HTR2A: variants seen among roughly 807,000 people sequenced by gnomAD.
The protein encoded by HTR2A is 5-HT2 receptor.
Under a neutral mutation model 31.0 loss-of-function variants are expected in HTR2A, and 14 were observed. That is an observed-to-expected ratio of 0.45 (90% CI 0.30 to 0.71). HTR2A has a LOEUF of 0.71. Among genes scored for constraint, HTR2A ranks in the 30% least tolerant of loss-of-function variants. The pLI, the probability that HTR2A is intolerant of heterozygous loss-of-function variation, is 0.09. For missense variants in HTR2A, 442 were observed against 573.3 expected, an observed-to-expected ratio of 0.77 and a Z score of 2.34; for synonymous variants, 209 against 225.2, an observed-to-expected ratio of 0.93 and a Z score of 0.64.
rs968684211 is a variant in HTR2A at position 46,896,960 on chromosome 13, C to G, written c.-615G>C. On this transcript the variant is annotated 5_prime_UTR_variant, in exon 1 of 4. Transcript: ENST00000542664. ...ACACATTTAGAAATCATTCACGAGC[C>G]CCTCAAAGTCGCACAAAAGAACTGC... 2.7e-6 allele frequency: 2 copies of G among 754,156 alleles called. No individual in the cohort carries two copies. Among genetic ancestry groups the G allele is most frequent in the Non-Finnish European group, 4.3e-6 (2 of 467,226 alleles). 46.7% of individuals were successfully genotyped at this position (754,156 alleles called of 1,614,324 possible).
chr13:46,887,269 A>G (rs1330895237), intron 3 of HTR2A, among the ~76,000 whole-genome samples: 1 of 151,804 alleles, frequency 6.6e-6, no homozygotes, highest in African/African-American at 2.4e-5. Flanking sequence ...AATACAAAAA[A>G]AAATTTAGCC....
intron 3 of HTR2A, among the ~76,000 whole-genome samples, chr13:46,864,011 A>T (rs2760342): frequency 0.84 from 127,260 of 152,092 alleles, 54,214 homozygotes; most frequent in East Asian, 0.97. Context: ...AGACATGGAA[A>T]CAACATAAAT....
chr13:46,865,548 A>G (rs1314809870), intron 3 of HTR2A, among the ~76,000 whole-genome samples: 1 of 152,118 alleles, frequency 6.6e-6, no homozygotes, highest in African/African-American at 2.4e-5. Context: ...GGTCACCTGG[A>G]CTGTACTTGG....
At chr13:46,858,656 C>T (rs1323929747) in intron 3 of HTR2A, among the ~76,000 whole-genome samples, 4 of 151,974 alleles carry the variant, frequency 2.6e-5, no homozygotes, top group Non-Finnish European at 5.9e-5. Context: ...TTATGCCTGT[C>T]AAAAGATCAA....
intron 3 of HTR2A, among the ~76,000 whole-genome samples, chr13:46,838,987 C>T (rs1468465489): frequency 2.6e-5 from 4 of 151,666 alleles, no homozygotes; most frequent in Admixed American, 1.3e-4. Context: ...TACACACACA[C>T]ACACACACAC....
At chr13:46,846,724 A>G (rs1236655761) in intron 3 of HTR2A, among the ~76,000 whole-genome samples, 1 of 152,210 alleles carries the variant, frequency 6.6e-6, no homozygotes, top group Non-Finnish European at 1.5e-5. Context: ...CAAGGACAAA[A>G]GAGAGACTTC....
At chr13:46,885,613 A>G (rs190322091) in intron 3 of HTR2A, among the ~76,000 whole-genome samples, 279 of 152,354 alleles carry the variant, frequency 1.8e-3, no homozygotes, top group Non-Finnish European at 3.4e-3. Context: ...TCTATAGAAT[A>G]GATTCTCTCA....
chr13:46,886,833 T>A (rs1299665031), intron 3 of HTR2A, among the ~76,000 whole-genome samples: 8 of 152,172 alleles, frequency 5.3e-5, no homozygotes, highest in Non-Finnish European at 1.0e-4. Context: ...GAGTTAGCAG[T>A]AGTCTTACGA....
chr13:46,835,767 G>A, intron 3 of HTR2A, 128 bp from the exon 4 acceptor site: 1 of 710,592 alleles, frequency 1.4e-6, no homozygotes, highest in South Asian at 2.0e-5. Context: ...CATACTTTGA[G>A]AATTTAAAAT....
At chr13:46,865,443 A>AG (rs1950811484) in intron 3 of HTR2A, among the ~76,000 whole-genome samples, 2 of 151,586 alleles carry the variant, frequency 1.3e-5, no homozygotes, top group Admixed American at 6.6e-5. Flanking sequence ...ACAGAAAAGA[A>AG]TATAAGAGAT....
At position 46,873,162 on chromosome 13, in the gene HTR2A, T is replaced by G. The variant is rs559301182; in HGVS notation, c.613+19228A>C. On this transcript the variant is annotated intron_variant, in intron 3 of 3. Transcript: ENST00000542664. Reference sequence around the variant, plus strand: ...CATCTATTTTACTTTCTTTTTTTTTTTTAACCTTGGAACCAGTTTATTCTG... The same window carrying G: ...CATCTATTTTACTTTCTTTTTTTTTGTTAACCTTGGAACCAGTTTATTCTG... Among the ~76,000 whole-genome samples the G allele has an allele frequency of 1.0e-3, 157 of 152,020 alleles. 1 individual carries two copies. Among genetic ancestry groups the G allele is most frequent in the Non-Finnish European group, 2.1e-3 (144 of 67,966 alleles).
chr13:46,860,597 C>G (rs1950772009), intron 3 of HTR2A, among the ~76,000 whole-genome samples: 1 of 152,134 alleles, frequency 6.6e-6, no homozygotes, highest in Non-Finnish European at 1.5e-5. Flanking sequence ...GTGGAGAGAT[C>G]CTGGGTGAGA....
chr13:46,837,841 G>T (rs1305343874), intron 3 of HTR2A, among the ~76,000 whole-genome samples: 1 of 152,194 alleles, frequency 6.6e-6, no homozygotes, highest in Non-Finnish European at 1.5e-5. Flanking sequence ...TATCTTCAAA[G>T]ACTTAATTAA....
intron 3 of HTR2A, among the ~76,000 whole-genome samples, chr13:46,876,667 C>T (rs974170065): frequency 4.6e-5 from 7 of 151,948 alleles, no homozygotes; most frequent in Admixed American, 1.3e-4. Flanking sequence ...CCATCCGCCT[C>T]GGCCTCCCAA....
At chr13:46,891,653 G>T (rs1198832951) in intron 3 of HTR2A, among the ~76,000 whole-genome samples, 1 of 152,206 alleles carries the variant, frequency 6.6e-6, no homozygotes, top group Admixed American at 6.5e-5. Flanking sequence ...ATTTTAAAAT[G>T]AATGTCAGAG....
chr13:46,867,441 T>C (rs774504754), intron 3 of HTR2A, among the ~76,000 whole-genome samples: 11 of 152,242 alleles, frequency 7.2e-5, no homozygotes, highest in Non-Finnish European at 1.6e-4. Context: ...TGTTCCACTG[T>C]TTACTATGAA....
At chr13:46,893,876 C>T (rs1458831821) in intron 2 of HTR2A, among the ~76,000 whole-genome samples, 1 of 152,238 alleles carries the variant, frequency 6.6e-6, no homozygotes, top group African/African-American at 2.4e-5. Context: ...CGTACACTCT[C>T]TACCAAAATG....
intron 3 of HTR2A, among the ~76,000 whole-genome samples, chr13:46,844,981 A>G (rs758576247): frequency 6.6e-6 from 1 of 151,996 alleles, no homozygotes; most frequent in Non-Finnish European, 1.5e-5. Flanking sequence ...AAAGCAAAAG[A>G]CCTTTGAGAC....
At chr13:46,855,700 C>T (rs564536534) in intron 3 of HTR2A, among the ~76,000 whole-genome samples, 2 of 152,018 alleles carry the variant, frequency 1.3e-5, no homozygotes, top group South Asian at 4.2e-4. Flanking sequence ...ATTTTAGGAC[C>T]GAGAAAAGTA....
Sources: allele counts gnomAD v4.1 joint callset (sites outside exome capture counted in the v4.1 genomes callset), GRCh38; gene constraint gnomAD v4.1.1; transcripts MANE v1.5; gene names NCBI Gene and HGNC (gene_info 2026-07-23, HGNC 2026-07-21).